ADGRL2: variants seen among roughly 807,000 people sequenced by gnomAD.
ADGRL2 encodes adhesion G protein-coupled receptor L2.
ADGRL2 carries 44 observed loss-of-function variants against 157.4 expected under a neutral mutation model. The observed-to-expected ratio is 0.28, with a 90% CI of 0.22 to 0.36. The LOEUF is 0.36. Among genes scored for constraint, ADGRL2 ranks in the 10% least tolerant of loss-of-function variants. The pLI is 1.00. For missense variants in ADGRL2, 1,510 were observed against 1,768.9 expected (o/e 0.85, Z 2.63); for synonymous variants, 585 against 624.7 (o/e 0.94, Z 0.95).
chr1:81,438,282 C>G (rs2077445167), intron 1 of ADGRL2, among the ~76,000 whole-genome samples: 1 of 152,168 alleles, frequency 6.6e-6, no homozygotes, highest in South Asian at 2.1e-4. Flanking sequence ...AGGAATTTGG[C>G]AAGCTGTTTG....
chr1:81,411,879 TA>T (rs35681432), intron 1 of ADGRL2, among the ~76,000 whole-genome samples: 19,332 of 131,634 alleles, frequency 0.15, 2,094 homozygotes, highest in African/African-American at 0.33. Context: ...GACTCCGTCT[TA>T]AAAAAAAAAA....
chr1:81,518,806 A>C (rs2079242372), intron 2 of ADGRL2, among the ~76,000 whole-genome samples: 1 of 152,134 alleles, frequency 6.6e-6, no homozygotes, highest in Admixed American at 6.5e-5. Flanking sequence ...TCAAAAAAAA[A>C]AAAAAAGGTA....
intron 1 of ADGRL2, among the ~76,000 whole-genome samples, chr1:81,386,112 T>G (rs542986960): frequency 3.3e-4 from 51 of 152,288 alleles, no homozygotes; most frequent in Middle Eastern, 3.4e-3. Flanking sequence ...TTTATTTCTT[T>G]TTCCTGAAAA....
intron 1 of ADGRL2, among the ~76,000 whole-genome samples, chr1:81,390,664 G>T (rs1217055342): frequency 6.6e-6 from 1 of 152,302 alleles, no homozygotes; most frequent in Non-Finnish European, 1.5e-5. Context: ...ATACAGAAAG[G>T]GAATTATACT....
chr1:81,352,187 T>A (rs1272924695), intron 1 of ADGRL2, among the ~76,000 whole-genome samples: 2 of 152,244 alleles, frequency 1.3e-5, no homozygotes, highest in East Asian at 3.9e-4. Context: ...TGAGCCCGGA[T>A]GCCCAAGTTA....
chr1:81,922,720 A>C (rs1246500885), intron 3 of ADGRL2, among the ~76,000 whole-genome samples: 1 of 152,180 alleles, frequency 6.6e-6, no homozygotes, highest in African/African-American at 2.4e-5. Flanking sequence ...TCACAGATGA[A>C]TAAAAAGTTA....
intron 1 of ADGRL2, among the ~76,000 whole-genome samples, chr1:81,360,898 T>C (rs2075965906): frequency 1.3e-5 from 2 of 152,000 alleles, no homozygotes; most frequent in Non-Finnish European, 1.5e-5. Flanking sequence ...TACATTTTAA[T>C]GCATGCTGGG....
chr1:81,966,811 T>G (rs1165278034), intron 13 of ADGRL2, among the ~76,000 whole-genome samples: 1 of 152,236 alleles, frequency 6.6e-6, no homozygotes, highest in Non-Finnish European at 1.5e-5. Context: ...TTAAATGAGC[T>G]TGGTTCAGTG....
rs1441348752 is a variant in ADGRL2, at chr1:81,826,451, A to C, written c.-100-10434A>C. Among the ~76,000 whole-genome samples the C allele has an allele frequency of 4.1e-4, 63 of 152,244 alleles. 1 individual carries two copies. Among genetic ancestry groups the C allele is most frequent in the Admixed American group, 4.1e-3 (63 of 15,284 alleles). On this transcript the variant is annotated intron_variant, in intron 1 of 23. Coordinates refer to ENST00000686636, the MANE Select transcript of ADGRL2 (RefSeq NM_001366006.2). Reference sequence around the variant, plus strand: ...CCCTAGAATGACTGGTACCAGCAGGAGATTTATTAAGCCTGAATTGTGTGA... The same window carrying C: ...CCCTAGAATGACTGGTACCAGCAGGCGATTTATTAAGCCTGAATTGTGTGA...
intron 2 of ADGRL2, among the ~76,000 whole-genome samples, chr1:81,845,182 A>C (rs1433786984): frequency 6.6e-6 from 1 of 152,128 alleles, no homozygotes; most frequent in East Asian, 1.9e-4. Context: ...ACATATTTAG[A>C]TAATGAATGC....
At chr1:81,579,250 C>T (rs1286987739) in intron 2 of ADGRL2, 2 of 152,170 alleles carry the variant, frequency 1.3e-5, no homozygotes, top group Admixed American at 1.3e-4. Context: ...CTTCCATTGT[C>T]TCCATGTATA....
chr1:81,776,158 T>A (rs2086572691), intron 2 of ADGRL2, among the ~76,000 whole-genome samples: 1 of 151,864 alleles, frequency 6.6e-6, no homozygotes, highest in Non-Finnish European at 1.5e-5. Flanking sequence ...GTTGTGTTTT[T>A]AAATGGAACT....
chr1:81,989,859 A>G, intron 23 of ADGRL2: 1 of 1,380,368 alleles, frequency 7.2e-7, no homozygotes, highest in African/African-American at 1.5e-5. Flanking sequence ...ATCTCCAGAA[A>G]AAGGAAATGT....
intron 3 of ADGRL2, among the ~76,000 whole-genome samples, chr1:81,616,679 CTTTT>C (rs1164087131): frequency 9.4e-6 from 1 of 105,986 alleles, no homozygotes; most frequent in Non-Finnish European, 1.8e-5. Flanking sequence ...CTTTTCTTTT[CTTTT>C]TTTTTTTTTT....
At chr1:81,525,831 G>C (rs2079442090) in intron 2 of ADGRL2, among the ~76,000 whole-genome samples, 1 of 152,158 alleles carries the variant, frequency 6.6e-6, no homozygotes, top group Admixed American at 6.6e-5. Flanking sequence ...TCTACCTTTT[G>C]CCATGATTTT....
At chr1:81,952,803 T>G (rs1251849864) in intron 9 of ADGRL2, among the ~76,000 whole-genome samples, 184 bp from the exon 10 acceptor site, 2 of 152,024 alleles carry the variant, frequency 1.3e-5, no homozygotes, top group Non-Finnish European at 2.9e-5. Context: ...GTATACTTCA[T>G]AAAATAGAAT....
At chr1:81,385,013 C>G (rs551881854) in intron 1 of ADGRL2, among the ~76,000 whole-genome samples, 1 of 152,134 alleles carries the variant, frequency 6.6e-6, no homozygotes, top group African/African-American at 2.4e-5. Flanking sequence ...GTTGTCCAAC[C>G]AGATATCAAG....
chr1:81,596,034 C>G (rs772074558), intron 3 of ADGRL2: 15 of 305,156 alleles, frequency 4.9e-5, no homozygotes, highest in Non-Finnish European at 8.9e-5. Flanking sequence ...CATGAGGCCT[C>G]TACCCTCATG....
upstream of ADGRL2, among the ~76,000 whole-genome samples, chr1:81,796,565 T>C (rs571575710): frequency 4.6e-5 from 7 of 152,302 alleles, no homozygotes; most frequent in Non-Finnish European, 7.4e-5. Flanking sequence ...TTATGAAGAA[T>C]ATCGTTTTAA....
Sources: gnomAD v4.1 joint callset for allele counts (sites outside exome capture counted in the v4.1 genomes callset) on GRCh38, gnomAD v4.1.1 for gene constraint, MANE v1.5 for transcripts, NCBI Gene and HGNC (gene_info 2026-07-23, HGNC 2026-07-21) for gene names.